The following ZNF674 variants were observed in gnomAD, a reference collection of about 807,000 sequenced individuals.
ZNF674 encodes the protein zinc finger protein 674.
A neutral mutation model predicts 7.0 loss-of-function variants in ZNF674; 2 were observed. That is an observed-to-expected ratio of 0.29 (90% confidence interval 0.12 to 0.90). ZNF674 has a LOEUF of 0.90. ZNF674 is among the 40% of genes least tolerant of loss of function. ZNF674 has a pLI of 0.57. For missense variants in ZNF674, 297 were observed against 415.5 expected (o/e 0.71, Z 2.48); for synonymous variants, 103 against 145.2 (o/e 0.71, Z 2.09).
chrX:46,539,445 C>CA (rs1942254195), intron 3 of ZNF674, among the ~76,000 whole-genome samples: 1 of 112,566 alleles, frequency 8.9e-6, no homozygotes. Flanking sequence ...CTGACATACT[C>CA]ACATGCAGGC....
intron 5 of ZNF674, among the ~76,000 whole-genome samples, chrX:46,524,698 GAA>G (rs566678084): frequency 2.6e-5 from 2 of 75,641 alleles, no homozygotes; most frequent in African/African-American, 4.8e-5. Flanking sequence ...AAGAAAAAAA[GAA>G]AAAAAAAAAA....
chrX:46,524,551 C>A (rs1416138891), intron 5 of ZNF674, among the ~76,000 whole-genome samples: 1 of 109,510 alleles, frequency 9.1e-6, no homozygotes, highest in Non-Finnish European at 1.9e-5. Context: ...AAAAAATTAG[C>A]CAGGCATGGT....
At chrX:46,512,409 T>A (rs1420554019) in intron 5 of ZNF674, among the ~76,000 whole-genome samples, 1 of 110,625 alleles carries the variant, frequency 9.0e-6, no homozygotes, top group Non-Finnish European at 1.9e-5. Context: ...TTTAAATTTT[T>A]AAAAAATTAT....
chrX:46,508,103 G>A (rs767899357), intron 5 of ZNF674, among the ~76,000 whole-genome samples: 4 of 110,621 alleles, frequency 3.6e-5, no homozygotes, highest in African/African-American at 9.8e-5. Flanking sequence ...TTGGTAAATC[G>A]GACATCTCAG....
intron 5 of ZNF674, among the ~76,000 whole-genome samples, chrX:46,519,334 G>A (rs1233840384): frequency 2.8e-5 from 3 of 107,146 alleles, no homozygotes; most frequent in Non-Finnish European, 5.8e-5. Flanking sequence ...TAGGCCAGGT[G>A]TGGTGGCTCA....
chrX:46,520,576 G>A (rs1022310843), intron 5 of ZNF674, among the ~76,000 whole-genome samples: 4 of 111,065 alleles, frequency 3.6e-5, no homozygotes, highest in Non-Finnish European at 5.7e-5. Context: ...CGATCTCTTT[G>A]TATTACTTCT....
intron 2 of ZNF674, among the ~76,000 whole-genome samples, chrX:46,542,647 G>A (rs779001340): frequency 2.7e-5 from 3 of 111,248 alleles, no homozygotes; most frequent in Non-Finnish European, 5.7e-5. Context: ...CCAGGAGTGC[G>A]AGGTTAGTGA....
At chrX:46,539,553 T>C (rs1942255267) in intron 3 of ZNF674, among the ~76,000 whole-genome samples, 1 of 112,897 alleles carries the variant, frequency 8.9e-6, no homozygotes, top group South Asian at 3.6e-4. Flanking sequence ...TGAATATTGG[T>C]GTTCCCATGC....
intron 5 of ZNF674, among the ~76,000 whole-genome samples, chrX:46,522,410 A>G: frequency 9.0e-6 from 1 of 111,586 alleles, no homozygotes; most frequent in Non-Finnish European, 1.9e-5. Flanking sequence ...TAATACCTGT[A>G]ATCCCACACT....
intron 5 of ZNF674, among the ~76,000 whole-genome samples, chrX:46,512,017 C>G (rs1390958389): frequency 2.2e-5 from 2 of 90,748 alleles, no homozygotes; most frequent in African/African-American, 8.5e-5. Context: ...GAGTGAAACT[C>G]CATCTCAAAA....
At chrX:46,513,271 C>T (rs1941698852) in intron 5 of ZNF674, among the ~76,000 whole-genome samples, 1 of 109,988 alleles carries the variant, frequency 9.1e-6, no homozygotes, top group African/African-American at 3.3e-5. Flanking sequence ...AAAAAAAAAA[C>T]AAAAACAAAA....
chrX:46,517,816 C>T (rs1941795910), intron 5 of ZNF674: 1 of 111,744 alleles, frequency 8.9e-6, no homozygotes, highest in African/African-American at 3.2e-5. Context: ...AGAAGATTAG[C>T]ATGGCTCCTG....
At chrX:46,534,435 G>A (rs748164362) in intron 3 of ZNF674, among the ~76,000 whole-genome samples, 6 of 111,273 alleles carry the variant, frequency 5.4e-5, no homozygotes, top group Non-Finnish European at 7.5e-5. Flanking sequence ...TCAACCTCCC[G>A]GGCTCAAGCG....
chrX:46,535,375 G>A (rs754738769), intron 3 of ZNF674, among the ~76,000 whole-genome samples: 1 of 111,149 alleles, frequency 9.0e-6, no homozygotes, highest in South Asian at 3.8e-4. Flanking sequence ...TCAAATTCCC[G>A]AGCTTAAGCA....
intron 5 of ZNF674, among the ~76,000 whole-genome samples, chrX:46,519,273 TGATAGATAGATAGATA>T (rs57724981): frequency 1.5e-4 from 11 of 75,080 alleles, no homozygotes; most frequent in African/African-American, 2.3e-4. Flanking sequence ...TAAAGATAGA[TGATAGATAGATAGATA>T]GATAGATAGA....
rs1415090691 is a variant in ZNF674 at position 46,533,829 on chromosome X, A to AAAATAT, written c.16-4921_16-4920insATATTT. Among the ~76,000 whole-genome samples the AAAATAT allele has an allele frequency of 6.0e-4, 39 of 65,544 alleles. 1 individual carries two copies. Among genetic ancestry groups the AAAATAT allele is most frequent in the African/African-American group, 3.2e-3 (33 of 10,166 alleles). 56.9% of individuals were successfully genotyped at this position (65,544 alleles called of 115,157 possible). A position where few individuals can be genotyped will look rare whatever the true frequency, so the allele number is the denominator to read the frequency against. On this transcript the variant is annotated intron_variant, in intron 3 of 5. Transcript: ENST00000683375. Reference sequence around the variant, plus strand: ...CCTGTCTCAAAAAAAAAAAAAAAAAAATATATATATATATATATATATATA... The same window carrying AAAATAT: ...CCTGTCTCAAAAAAAAAAAAAAAAAAAAATATATATATATATATATATATATATATA...
chrX:46,516,578 G>A (rs1439563924), intron 5 of ZNF674, among the ~76,000 whole-genome samples: 1 of 112,465 alleles, frequency 8.9e-6, no homozygotes, highest in East Asian at 2.8e-4. Flanking sequence ...CCCACCACTC[G>A]AGTCTCTAAT....
intron 5 of ZNF674, among the ~76,000 whole-genome samples, chrX:46,503,287 A>G (rs1941469127): frequency 8.9e-6 from 1 of 112,467 alleles, no homozygotes; most frequent in Non-Finnish European, 1.9e-5. Flanking sequence ...ATTATCATAA[A>G]GAAAGATGAC....
chrX:46,519,260 AG>A (rs1569476376), intron 5 of ZNF674, among the ~76,000 whole-genome samples: 161 of 54,107 alleles, frequency 3.0e-3, no homozygotes, highest in African/African-American at 9.8e-3. Flanking sequence ...ATAGATAGAT[AG>A]ATAAAGATAG....
Sources: allele counts gnomAD v4.1 joint callset (sites outside exome capture counted in the v4.1 genomes callset), GRCh38; gene constraint gnomAD v4.1.1; transcripts MANE v1.5; gene names NCBI Gene and HGNC (gene_info 2026-07-23, HGNC 2026-07-21).